Variants in TOX2 observed in about 807,000 individuals in gnomAD.
TOX2 encodes TOX high mobility group box family member 2.
In TOX2, 15 loss-of-function variants were observed where a neutral mutation model predicts 47.4. That is an observed-to-expected ratio of 0.32 (90% CI 0.21 to 0.49). TOX2 has a LOEUF of 0.49. Among genes scored for constraint, TOX2 ranks in the 20% least tolerant of loss-of-function variants. The probability of loss-of-function intolerance (pLI) is 0.99; values close to 1 mark genes in which losing one functional copy is unlikely to be tolerated. For missense variants in TOX2, 622 were observed against 673.1 expected (o/e 0.92, Z 0.84); for synonymous variants, 290 against 296.6 (o/e 0.98, Z 0.23).
intron 5 of TOX2, among the ~76,000 whole-genome samples, chr20:44,062,608 A>T (rs6031334): frequency 6.6e-6 from 1 of 152,000 alleles, no homozygotes; most frequent in Admixed American, 6.6e-5. Flanking sequence ...TCCCATCAAA[A>T]CACCACCAAC....
intron 3 of TOX2, among the ~76,000 whole-genome samples, chr20:44,018,610 T>G (rs1210885133): frequency 1.3e-5 from 2 of 152,192 alleles, no homozygotes; most frequent in Non-Finnish European, 2.9e-5. Context: ...CTGCTCTGCC[T>G]GGATAATAAA....
At chr20:44,066,894 C>T in intron 8 of TOX2, 37 bp downstream of exon 8, 1 of 1,590,726 alleles carries the variant, frequency 6.3e-7, no homozygotes, top group Non-Finnish European at 8.6e-7. Context: ...GTCCTGCCAG[C>T]CAGGGAGAGT....
intron 2 of TOX2, among the ~76,000 whole-genome samples, chr20:43,986,285 A>G (rs181879141): frequency 4.0e-4 from 61 of 151,626 alleles, no homozygotes; most frequent in Admixed American, 7.9e-4. Flanking sequence ...GTATGTATGT[A>G]TGTGTGTATT....
intron 3 of TOX2, among the ~76,000 whole-genome samples, chr20:44,033,636 A>G (rs2071191071): frequency 1.3e-5 from 2 of 152,102 alleles, no homozygotes; most frequent in South Asian, 4.2e-4. Context: ...CAAAAAGGTC[A>G]TGTGATGTGG....
At chr20:43,963,169 A>C (rs1390626471) in intron 1 of TOX2, among the ~76,000 whole-genome samples, 1 of 151,586 alleles carries the variant, frequency 6.6e-6, no homozygotes, top group Non-Finnish European at 1.5e-5. Flanking sequence ...GGTAGGTGGG[A>C]GGGGGCAATG....
chr20:43,995,618 G>A (rs549010035), intron 2 of TOX2, among the ~76,000 whole-genome samples: 1 of 152,188 alleles, frequency 6.6e-6, no homozygotes, highest in East Asian at 1.9e-4. Flanking sequence ...TGTCACCCAG[G>A]TATTCAGCCT....
intron 3 of TOX2, among the ~76,000 whole-genome samples, chr20:44,039,781 G>A (rs1386430056): frequency 2.0e-5 from 3 of 152,306 alleles, no homozygotes; most frequent in South Asian, 2.1e-4. Flanking sequence ...AGAGGAAGTC[G>A]AGGTTTCATC....
At chr20:43,945,807 TG>T (rs2069459165) in intron 1 of TOX2, 11 of 1,465,574 alleles carry the variant, frequency 7.5e-6, no homozygotes, top group South Asian at 2.3e-5. Context: ...ACGAATGGGA[TG>T]GGGGGTGGGG....
At chr20:44,064,149 G>C (rs575756401) in intron 5 of TOX2, among the ~76,000 whole-genome samples, 1 of 152,172 alleles carries the variant, frequency 6.6e-6, no homozygotes, top group Non-Finnish European at 1.5e-5. Flanking sequence ...TCCAAGAGTA[G>C]CAAGAGGGCT....
At chr20:43,955,323 C>T (rs2069648964) in intron 1 of TOX2, 2 of 984,946 alleles carry the variant, frequency 2.0e-6, no homozygotes, top group Non-Finnish European at 2.4e-6. Flanking sequence ...CCATGGGGGC[C>T]TCTGGCAGCC....
chr20:43,941,097 G>C (rs573504740), intron 1 of TOX2, among the ~76,000 whole-genome samples: 3 of 152,030 alleles, frequency 2.0e-5, no homozygotes, highest in African/African-American at 7.2e-5. Context: ...GTAATCACAG[G>C]GTTTAAAATT....
intron 1 of TOX2, among the ~76,000 whole-genome samples, chr20:43,948,916 T>C (rs942541271): frequency 2.0e-5 from 3 of 152,218 alleles, no homozygotes; most frequent in Non-Finnish European, 2.9e-5. Context: ...TGACTTCTAG[T>C]TGTGAGGCTT....
intron 1 of TOX2, among the ~76,000 whole-genome samples, chr20:43,930,095 T>C (rs145035668): frequency 1.3e-5 from 2 of 152,342 alleles, no homozygotes; most frequent in East Asian, 3.9e-4. Flanking sequence ...TAAGAAGCAA[T>C]AGGCTCATGC....
intron 3 of TOX2, among the ~76,000 whole-genome samples, chr20:44,033,681 C>CA (rs756841511): frequency 0.012 from 1,517 of 129,798 alleles, 9 homozygotes; most frequent in African/African-American, 0.018. Context: ...ACGGTTCATC[C>CA]AAAAAAAAAA....
At chr20:44,007,009 T>C (rs149961148) in intron 3 of TOX2, among the ~76,000 whole-genome samples, 133 of 152,192 alleles carry the variant, frequency 8.7e-4, no homozygotes, top group African/African-American at 2.9e-3. Context: ...AAATCTAATA[T>C]CAGCACACTG....
intron 5 of TOX2, among the ~76,000 whole-genome samples, chr20:44,062,404 AAATG>A (rs746277270): frequency 0.063 from 9,160 of 145,042 alleles, 328 homozygotes; most frequent in African/African-American, 0.092. Flanking sequence ...ATAAATAAAT[AAATG>A]AATAAATAAA....
At chr20:43,932,502 G>C (rs1264535675) in intron 1 of TOX2, among the ~76,000 whole-genome samples, 1 of 152,180 alleles carries the variant, frequency 6.6e-6, no homozygotes, top group Non-Finnish European at 1.5e-5. Context: ...AAATGAATTA[G>C]GACGATTAGC....
rs951925246 is a variant in TOX2, at chr20:44,049,896, G to T, written c.412-1410G>T. Among the ~76,000 whole-genome samples the T allele has an allele frequency of 2.0e-5, 3 of 152,124 alleles. No homozygotes were observed. The East Asian group carries it at 5.8e-4, about 29-fold the overall frequency. Reference sequence around the variant, plus strand: ...TTTTCTTTCAGTCTATCTTTGATGGGTATCTGGGCTGATTCCGTGTCTTTG... The same window carrying T: ...TTTTCTTTCAGTCTATCTTTGATGGTTATCTGGGCTGATTCCGTGTCTTTG... On this transcript the variant is annotated intron_variant, in intron 3 of 8. Coordinates refer to ENST00000341197, the MANE Select transcript of TOX2 (RefSeq NM_001098797.2).
Position 44,051,452 on chromosome 20 carries a change from C to G in TOX2, c.558C>G (p.Ile186Met). 4 of 1,613,972 alleles carry G rather than the reference C, an allele frequency of 2.5e-6. No homozygotes were observed. Among genetic ancestry groups the G allele is most frequent in the Non-Finnish European group, 3.4e-6 (4 of 1,179,894 alleles). The change falls in exon 4 of 9, where the codon ATC becomes ATG. Residue 186 changes from isoleucine to methionine, a missense_variant. Transcript: ENST00000341197. ...LISQMGIRSSIAHSSPSPPGS... is the reference protein window; with the variant it reads ...LISQMGIRSSMAHSSPSPPGS... ...CGCAGATGGGCATCCGGAGCAGCAT[C>G]GCCCACAGCTCCCCATCACCGCCGG...
Sources: gnomAD v4.1 joint callset for allele counts (sites outside exome capture counted in the v4.1 genomes callset) on GRCh38, gnomAD v4.1.1 for gene constraint, MANE v1.5 for transcripts, NCBI Gene and HGNC (gene_info 2026-07-23, HGNC 2026-07-21) for gene names.